The following SFXN5 variants were observed in gnomAD, a reference collection of about 807,000 sequenced individuals.
SFXN5 encodes sideroflexin 5.
In SFXN5, 43 loss-of-function variants were observed where a neutral mutation model predicts 50.2. That is an observed-to-expected ratio of 0.86 (90% confidence interval 0.67 to 1.11). SFXN5 has a LOEUF of 1.11. Ranked by LOEUF, SFXN5 falls within the 50% of genes least tolerant of loss-of-function variation. The probability of loss-of-function intolerance (pLI) is 0.00; values close to 1 mark genes in which losing one functional copy is unlikely to be tolerated. For synonymous variants in SFXN5, 203 were observed against 185.8 expected (o/e 1.09, Z -0.75); for missense variants, 463 against 454.1 (o/e 1.02, Z -0.18).
intron 12 of SFXN5, among the ~76,000 whole-genome samples, chr2:72,963,677 C>T (rs986289943): frequency 6.6e-6 from 1 of 152,156 alleles, no homozygotes; most frequent in Non-Finnish European, 1.5e-5. Flanking sequence ...GGGGAGCGGA[C>T]TCAGGGCTGT....
At chr2:73,040,135 T>C (rs1043816769) in intron 3 of SFXN5, among the ~76,000 whole-genome samples, 4 of 152,158 alleles carry the variant, frequency 2.6e-5, no homozygotes, top group Non-Finnish European at 5.9e-5. Context: ...TAGTACTATT[T>C]GACTTCTTGA....
chr2:73,043,195 A>C (rs1679875848), intron 2 of SFXN5, among the ~76,000 whole-genome samples: 1 of 152,238 alleles, frequency 6.6e-6, no homozygotes. Context: ...AGCATGGGGG[A>C]AGAAACCCAG....
At position 72,991,014 on chromosome 2, in the gene SFXN5, T is replaced by C. The variant is rs1022112055; in HGVS notation, c.535-2666A>G. Among the ~76,000 whole-genome samples, 104 of 151,970 alleles carry C rather than the reference T, an allele frequency of 6.8e-4. 1 individual carries two copies. Among genetic ancestry groups the C allele is most frequent in the East Asian group, 7.8e-4 (4 of 5,160 alleles). Reference sequence around the variant, plus strand: ...TCCTGCTTGACAATTTAAGAAGATATAGGAAGTGCTGGAAGAGGCGGGGAA... The same window carrying C: ...TCCTGCTTGACAATTTAAGAAGATACAGGAAGTGCTGGAAGAGGCGGGGAA... On this transcript the variant is annotated intron_variant, in intron 9 of 13. Transcript: ENST00000272433.
intron 6 of SFXN5, chr2:73,019,536 C>A (rs1396362988): frequency 6.7e-6 from 1 of 148,910 alleles, no homozygotes; most frequent in African/African-American, 2.5e-5. Flanking sequence ...TCATGTCATT[C>A]TCCTGCCTCA....
intron 13 of SFXN5, among the ~76,000 whole-genome samples, chr2:72,959,300 C>T (rs1013279104): frequency 2.0e-5 from 3 of 152,146 alleles, no homozygotes; most frequent in African/African-American, 7.2e-5. Context: ...TCTGCTCCTC[C>T]GTGCTGTCAC....
chr2:73,043,464 C>G (rs777291192), intron 2 of SFXN5, among the ~76,000 whole-genome samples: 3 of 152,222 alleles, frequency 2.0e-5, no homozygotes, highest in Non-Finnish European at 2.9e-5. Context: ...GCATGTGAAG[C>G]ACTGGCATGT....
At chr2:72,979,319 T>G (rs1368406662) in intron 10 of SFXN5, among the ~76,000 whole-genome samples, 1 of 152,132 alleles carries the variant, frequency 6.6e-6, no homozygotes, top group Admixed American at 6.5e-5. Flanking sequence ...CAATTTTCTA[T>G]GTTAATAGAA....
At chr2:73,053,756 A>C (rs1376716873) in intron 2 of SFXN5, among the ~76,000 whole-genome samples, 1 of 151,862 alleles carries the variant, frequency 6.6e-6, no homozygotes, top group Non-Finnish European at 1.5e-5. Context: ...CTACTTCTGG[A>C]CCCCCCAGCT....
chr2:73,058,731 T>C, intron 1 of SFXN5, 135 bp from the exon 2 acceptor site: 2 of 753,068 alleles, frequency 2.7e-6, no homozygotes, highest in Middle Eastern at 3.7e-4. Context: ...TAAATGCCAA[T>C]GAGGCCTCAG....
intron 3 of SFXN5, among the ~76,000 whole-genome samples, chr2:73,031,255 T>C (rs1244664761): frequency 6.6e-6 from 1 of 152,230 alleles, no homozygotes; most frequent in Non-Finnish European, 1.5e-5. Context: ...TGATGTGCCT[T>C]TTCCAGGCCA....
intron 2 of SFXN5, among the ~76,000 whole-genome samples, chr2:73,052,141 C>T (rs1021765576): frequency 1.4e-4 from 21 of 152,086 alleles, no homozygotes; most frequent in Admixed American, 1.2e-3. Flanking sequence ...TTGAGCACTT[C>T]CTCGCTTTCT....
chr2:72,989,646 T>C (rs1672337421), intron 9 of SFXN5, among the ~76,000 whole-genome samples: 1 of 151,738 alleles, frequency 6.6e-6, no homozygotes, highest in Non-Finnish European at 1.5e-5. Flanking sequence ...TACGACGGCA[T>C]GGAAAAGGCA....
At chr2:72,988,472 C>T in intron 9 of SFXN5, 124 bp from the exon 10 acceptor site, 1 of 819,012 alleles carries the variant, frequency 1.2e-6, no homozygotes, top group Non-Finnish European at 1.9e-6. Flanking sequence ...ACAACTGCAC[C>T]TCACACCCCT....
At chr2:72,958,536 C>A (rs897931158) in intron 13 of SFXN5, among the ~76,000 whole-genome samples, 1 of 152,150 alleles carries the variant, frequency 6.6e-6, no homozygotes, top group South Asian at 2.1e-4. Context: ...TCTGTGCAGG[C>A]AGGTGGAGTT....
At chr2:72,967,107 C>T (rs939880801) in intron 12 of SFXN5, 1 of 152,262 alleles carries the variant, frequency 6.6e-6, no homozygotes, top group Non-Finnish European at 1.5e-5. Flanking sequence ...AAGTGGATGA[C>T]ATAGCCTGTC....
intron 3 of SFXN5, among the ~76,000 whole-genome samples, chr2:73,031,120 T>C (rs1386517708): frequency 6.6e-6 from 1 of 152,220 alleles, no homozygotes; most frequent in Non-Finnish European, 1.5e-5. Context: ...ATCCATGTCC[T>C]ATTGTGTTGT....
intron 7 of SFXN5, 134 bp downstream of exon 7, chr2:73,001,391 G>T: frequency 2.3e-6 from 2 of 854,330 alleles, no homozygotes; most frequent in Non-Finnish European, 3.8e-6. Context: ...TGGCTTCTGG[G>T]CTAGGGGTGG....
intron 2 of SFXN5, among the ~76,000 whole-genome samples, chr2:73,047,306 T>TAA (rs1559200218): frequency 1.5e-5 from 1 of 65,020 alleles, no homozygotes; most frequent in Non-Finnish European, 3.1e-5. Flanking sequence ...ATAAAATATA[T>TAA]ATGTGTGTGT....
At chr2:73,009,724 G>A (rs775943810) in intron 6 of SFXN5, among the ~76,000 whole-genome samples, 56 of 152,310 alleles carry the variant, frequency 3.7e-4, no homozygotes, top group Non-Finnish European at 6.2e-4. Context: ...GGTCCTGTTA[G>A]GACATTCACA....
Sources: allele counts gnomAD v4.1 joint callset (sites outside exome capture counted in the v4.1 genomes callset), GRCh38; gene constraint gnomAD v4.1.1; transcripts MANE v1.5; gene names NCBI Gene and HGNC (gene_info 2026-07-23, HGNC 2026-07-21).